Variants in PCDHGB3 observed in about 807,000 individuals in gnomAD.
The protein encoded by PCDHGB3 is protocadherin gamma subfamily B, 3.
A neutral mutation model predicts 59.2 loss-of-function variants in PCDHGB3; 40 were observed. The ratio of observed to expected loss-of-function variants is 0.68; its 90% confidence interval spans 0.52 to 0.88. The LOEUF (loss-of-function observed/expected upper bound fraction) is 0.88. Ranked by LOEUF, PCDHGB3 falls within the 40% of genes least tolerant of loss-of-function variation. The pLI is 0.00. For synonymous variants in PCDHGB3, 581 were observed against 503.6 expected (o/e 1.15, Z -2.06); for missense variants, 1,309 against 1,187.9 (o/e 1.10, Z -1.50).
chr5:141,491,837 G>A lies in PCDHGB3; in HGVS notation c.2416-2970G>A, dbSNP rs1404051857. The A allele has an allele frequency of 1.4e-6, 2 of 1,472,862 alleles. No individual in the cohort carries two copies. The highest frequency in any genetic ancestry group is 1.8e-6 in the Non-Finnish European group (2 of 1,111,878). The allele number at this position is 1,472,862 out of a possible 1,614,324, so 91.2% of individuals were successfully genotyped here. A position where few individuals can be genotyped will look rare whatever the true frequency, so the allele number is the denominator to read the frequency against. ...TGGCTGCGCTCCACCCGATTCTCGG[G>A]ATCATTGGACCGTTTGCGCGAAACC... On this transcript the variant is annotated intron_variant, in intron 1 of 3. Transcript: ENST00000576222. The surrounding 1 kb of genome is among the most constrained non-coding windows in gnomAD (Gnocchi z 6.9).
At chr5:141,433,404 TATTA>T (rs142533293) in intron 1 of PCDHGB3, among the ~76,000 whole-genome samples, 252 of 146,310 alleles carry the variant, frequency 1.7e-3, no homozygotes, top group African/African-American at 6.2e-3. Context: ...TCTATCTATC[TATTA>T]CTTTCTTGTA....
At position 141,415,641 on chromosome 5, in the gene PCDHGB3, TAA is replaced by T. The variant is rs113784532; in HGVS notation, c.2415+42842_2415+42843del. On this transcript the variant is annotated intron_variant, in intron 1 of 3. Transcript: ENST00000576222. ...GTTTTATTTTCATTTTTACTTTTGT[TAA>T]AAAAAAAAAGATTGGTTTTTACTTT... is the stretch of plus-strand genomic sequence containing the variant. 3.1e-5 allele frequency: 40 copies of T among 1,280,748 alleles called. No homozygotes were observed. The African/African-American group carries it at 4.6e-4, about 15-fold the overall frequency. 79.3% of individuals were successfully genotyped at this position (1,280,748 alleles called of 1,614,324 possible).
rs1769382213 is a variant in PCDHGB3 at position 141,373,189 on chromosome 5, T to C, written c.2415+380T>C. On this transcript the variant is annotated intron_variant, in intron 1 of 3. Coordinates refer to ENST00000576222, the MANE Select transcript of PCDHGB3 (RefSeq NM_018924.5). The stretch of plus-strand genomic sequence containing the variant: ...GTCAATCCTAAAATATATGAAACAT[T>C]ATGTATATCTTAACACATTTTTAAT... 2.0e-5 allele frequency among the ~76,000 whole-genome samples: 3 copies of C among 152,380 alleles called. No individual in the cohort carries two copies. In the Middle Eastern group the frequency reaches 0.01, roughly 518 times the overall value.
intron 1 of PCDHGB3, chr5:141,387,786 C>T: frequency 1.4e-6 from 2 of 1,473,828 alleles, no homozygotes; most frequent in Non-Finnish European, 1.8e-6. Flanking sequence ...ACTGGAACTG[C>T]AACTAAAGTC....
chr5:141,374,102 C>T, intron 1 of PCDHGB3: 2 of 1,568,166 alleles, frequency 1.3e-6, no homozygotes, highest in South Asian at 2.4e-5. Flanking sequence ...TCCGCAGAGG[C>T]ATCCGCAGCG....
Position 141,477,393 on chromosome 5 carries a change from G to A in PCDHGB3, c.2416-17414G>A, listed in dbSNP as rs1397453429. On this transcript the variant is annotated intron_variant, in intron 1 of 3. Transcript: ENST00000576222. This position sits in a 1 kb window ranked among gnomAD's most constrained non-coding sequence, Gnocchi z 4.9. The stretch of plus-strand genomic sequence containing the variant: ...GAGACTGTGCCAGAATACAACCTCA[G>A]CATCACCGCCCGAGACGCCGGAACC... The A allele has an allele frequency of 5.6e-6, 9 of 1,614,098 alleles. No individual in the cohort carries two copies. Among genetic ancestry groups the A allele is most frequent in the Non-Finnish European group, 7.6e-6 (9 of 1,180,028 alleles).
At chr5:141,425,321 G>A (rs1020940689) in intron 1 of PCDHGB3, among the ~76,000 whole-genome samples, 2 of 152,182 alleles carry the variant, frequency 1.3e-5, no homozygotes, top group South Asian at 2.1e-4. Flanking sequence ...CAAGATCGTG[G>A]AGAACAAAAA....
intron 1 of PCDHGB3, chr5:141,383,089 GT>G: frequency 1.2e-6 from 2 of 1,613,932 alleles, no homozygotes; most frequent in Non-Finnish European, 1.7e-6. Context: ...GGAGCGCGGA[GT>G]CCGCATCATC....
intron 1 of PCDHGB3, chr5:141,388,753 T>C: frequency 6.2e-7 from 1 of 1,613,986 alleles, no homozygotes; most frequent in Non-Finnish European, 8.5e-7. Flanking sequence ...ATCACCCAAT[T>C]TGACCTGAAC....
rs1386912520 is a variant in PCDHGB3 at position 141,505,425 on chromosome 5, C to T, written c.2507C>T (p.Pro836Leu). 1.2e-6 allele frequency: 2 copies of T among 1,614,060 alleles called. No individual in the cohort carries two copies. The highest frequency in any genetic ancestry group is 1.7e-6 in the Non-Finnish European group (2 of 1,180,022). The change falls in exon 3 of 4, where the codon CCC becomes CTC. Residue 836 changes from proline to leucine, a missense_variant. Physicochemically the swap from Pro to Leu is moderately conservative, Grantham distance 98 (BLOSUM62 -3). Transcript: ENST00000576222. ...AATGGCGATGACACCGGCACCTGGC[C>T]CAACAACCAGTTTGACACAGAGATG... ...SQNGDDTGTW[P>L]NNQFDTEMLQ... is the part of the protein sequence containing the mutation.
At chr5:141,403,746 C>T (rs773668506) in intron 1 of PCDHGB3, 1 of 1,613,904 alleles carries the variant, frequency 6.2e-7, no homozygotes, top group South Asian at 1.1e-5. Context: ...CTTACTGCAA[C>T]AGCCAGCGAC....
intron 1 of PCDHGB3, chr5:141,419,310 A>G: frequency 6.2e-7 from 1 of 1,613,948 alleles, no homozygotes; most frequent in Non-Finnish European, 8.5e-7. Flanking sequence ...TTCGGGCTCA[A>G]CGGCCGTGTC....
chr5:141,433,168 T>A, intron 1 of PCDHGB3: 6 of 1,613,438 alleles, frequency 3.7e-6, no homozygotes, highest in Non-Finnish European at 3.4e-6. Context: ...CTAAAGACAG[T>A]CATGGGTTAA....
intron 1 of PCDHGB3, chr5:141,418,494 T>TGATGGTGGG: frequency 6.2e-7 from 1 of 1,614,020 alleles, no homozygotes; most frequent in Non-Finnish European, 8.5e-7. Context: ...CACTTGGTAC[T>TGATGGTGGG]GACCGCCTTA....
Position 141,409,216 on chromosome 5 carries a change from T to G in PCDHGB3, c.2415+36407T>G, listed in dbSNP as rs368791778. 9.9e-6 allele frequency: 16 copies of G among 1,613,886 alleles called. No individual in the cohort carries two copies. The African/African-American group carries it at 1.1e-4, about 11-fold the overall frequency. ...AGTGTAAAGTAATCATAGAAATCCT[T>G]GATGAAAACGACAACAGCCCAGAAA... is the stretch of plus-strand genomic sequence containing the variant. On this transcript the variant is annotated intron_variant, in intron 1 of 3. Coordinates refer to ENST00000576222, the MANE Select transcript of PCDHGB3 (RefSeq NM_018924.5).
chr5:141,447,885 A>T (rs2098554278), intron 1 of PCDHGB3, among the ~76,000 whole-genome samples: 1 of 152,134 alleles, frequency 6.6e-6, no homozygotes, highest in Admixed American at 6.6e-5. Context: ...CAGGAGTTCG[A>T]GACCAGCCTG....
Position 141,487,399 on chromosome 5 carries a change from G to A in PCDHGB3, c.2416-7408G>A. 1.2e-6 allele frequency: 2 copies of A among 1,614,140 alleles called. No homozygotes were observed. Among genetic ancestry groups the A allele is most frequent in the South Asian group, 1.1e-5 (1 of 91,088 alleles). On this transcript the variant is annotated intron_variant, in intron 1 of 3. Coordinates refer to ENST00000576222, the MANE Select transcript of PCDHGB3 (RefSeq NM_018924.5). The surrounding 1 kb of genome is among the most constrained non-coding windows in gnomAD (Gnocchi z 5.0). ...TCACCAGATCTCGAAGGAGGGAGGGGCTTCCCCCTTCCAATGGGATCCTCC... is the reference window on the plus strand; with the variant it reads ...TCACCAGATCTCGAAGGAGGGAGGGACTTCCCCCTTCCAATGGGATCCTCC...
Position 141,370,384 on chromosome 5 carries a change from C to T in PCDHGB3, c.-11C>T, listed in dbSNP as rs777134390. ...CCTCGGATTTAGAAAGGCAAAGGCG[C>T]AGAGAGCGGGATGGGAAATAGCTCC... On this transcript the variant is annotated 5_prime_UTR_variant, in exon 1 of 4. Coordinates refer to ENST00000576222, the MANE Select transcript of PCDHGB3 (RefSeq NM_018924.5). The T allele has an allele frequency of 3.9e-6, 6 of 1,534,384 alleles. No homozygotes were observed. The highest frequency in any genetic ancestry group is 5.2e-6 in the Non-Finnish European group (6 of 1,143,678).
At chr5:141,380,735 C>T (rs973708229) in intron 1 of PCDHGB3, among the ~76,000 whole-genome samples, 1 of 152,066 alleles carries the variant, frequency 6.6e-6, no homozygotes, top group African/African-American at 2.4e-5. Flanking sequence ...TTCCTTTTCT[C>T]CAAAGAAGGT....
Sources: gnomAD v4.1 joint callset for allele counts (sites outside exome capture counted in the v4.1 genomes callset) on GRCh38, gnomAD v4.1.1 for gene constraint, Gnocchi (gnomAD v3.1) non-coding constraint, MANE v1.5 for transcripts, NCBI Gene and HGNC (gene_info 2026-07-23, HGNC 2026-07-21) for gene names.